The following ARHGAP10 variants were observed in gnomAD, a reference collection of about 807,000 sequenced individuals.
ARHGAP10 encodes rho GTPase-activating protein 10.
A neutral mutation model predicts 108.6 loss-of-function variants in ARHGAP10; 87 were observed. The observed-to-expected ratio is 0.80, with a 90% CI of 0.67 to 0.96. ARHGAP10 has a LOEUF of 0.96. Among genes scored for constraint, ARHGAP10 ranks in the 40% least tolerant of loss-of-function variants. The pLI, the probability that ARHGAP10 is intolerant of heterozygous loss-of-function variation, is 0.00. For synonymous variants in ARHGAP10, 347 were observed against 341.1 expected, an observed-to-expected ratio of 1.02 and a Z score of -0.19; for missense variants, 939 against 954.5, an observed-to-expected ratio of 0.98 and a Z score of 0.21.
At chr4:147,970,464 G>A (rs1739364440) in intron 18 of ARHGAP10, among the ~76,000 whole-genome samples, 1 of 152,132 alleles carries the variant, frequency 6.6e-6, no homozygotes, top group Non-Finnish European at 1.5e-5. Context: ...TTAAACTGGG[G>A]AGGAAAGGAA....
At chr4:147,829,968 T>C (rs996715413) in intron 3 of ARHGAP10, among the ~76,000 whole-genome samples, 109 of 152,276 alleles carry the variant, frequency 7.2e-4, no homozygotes, top group African/African-American at 2.5e-3. Context: ...GGAGCTTGCC[T>C]GATGGTGCAC....
At chr4:148,008,310 T>C (rs1741030167) in intron 18 of ARHGAP10, among the ~76,000 whole-genome samples, 1 of 152,138 alleles carries the variant, frequency 6.6e-6, no homozygotes, top group Non-Finnish European at 1.5e-5. Context: ...TGTCCTCTGC[T>C]GATGAAAACA....
intron 17 of ARHGAP10, 34 bp from the exon 18 acceptor site, chr4:147,966,646 G>C (rs778088828): frequency 6.6e-7 from 1 of 1,518,306 alleles, no homozygotes; most frequent in African/African-American, 1.4e-5. Flanking sequence ...TGCTCCTTTG[G>C]TTAAACAGAT....
intron 1 of ARHGAP10, among the ~76,000 whole-genome samples, chr4:147,745,643 A>C (rs917560925): frequency 2.0e-5 from 3 of 150,756 alleles, no homozygotes; most frequent in Admixed American, 6.6e-5. Flanking sequence ...AGGCGCCCAC[A>C]ACCACGCCCT....
intron 1 of ARHGAP10, among the ~76,000 whole-genome samples, chr4:147,741,862 T>C (rs1166541940): frequency 6.6e-6 from 1 of 151,880 alleles, no homozygotes; most frequent in African/African-American, 2.4e-5. Context: ...CAGGCATCTC[T>C]GTAAACTCTG....
intron 1 of ARHGAP10, among the ~76,000 whole-genome samples, chr4:147,785,194 T>C (rs1730838298): frequency 6.6e-6 from 1 of 151,480 alleles, no homozygotes; most frequent in Non-Finnish European, 1.5e-5. Flanking sequence ...TTTTTGAATG[T>C]TCAGGCATCA....
chr4:148,042,058 A>ACTGC (rs1728655761), intron 19 of ARHGAP10, among the ~76,000 whole-genome samples: 1 of 152,106 alleles, frequency 6.6e-6, no homozygotes, highest in African/African-American at 2.4e-5. Flanking sequence ...TCCCTTAGAT[A>ACTGC]CTGCCACGTG....
intron 1 of ARHGAP10, among the ~76,000 whole-genome samples, chr4:147,766,316 A>G (rs926292693): frequency 1.3e-5 from 2 of 151,896 alleles, no homozygotes; most frequent in South Asian, 2.1e-4. Flanking sequence ...TCGTATTTGC[A>G]TATAACCCAC....
chr4:148,058,656 G>A (rs984145227), intron 20 of ARHGAP10, among the ~76,000 whole-genome samples: 3 of 152,204 alleles, frequency 2.0e-5, no homozygotes, highest in African/African-American at 4.8e-5. Flanking sequence ...TGCGTGGAGC[G>A]TAGAGTCTGG....
rs768760504 is a variant in ARHGAP10 at position 148,046,978 on chromosome 4, C to A, written c.1954C>A (p.Pro652Thr). 1 of 1,614,146 alleles carries A rather than the reference C, an allele frequency of 6.2e-7. No homozygotes were observed. Among genetic ancestry groups the A allele is most frequent in the South Asian group, 1.1e-5 (1 of 91,074 alleles). The change falls in exon 20 of 23, where the codon CCT becomes ACT. Residue 652 changes from proline (P) to threonine (T), a missense_variant. Coordinates refer to ENST00000336498, the MANE Select transcript of ARHGAP10 (RefSeq NM_024605.4). ...SSPSPVTTAV[P>T]GPPGPDKNHL... The stretch of plus-strand genomic sequence containing the variant: ...CCCGTCTCCCGTGACTACAGCTGTC[C>A]CTGGGCCTCCTGGACCAGACAAAAA...
At chr4:148,000,166 A>G (rs1234986131) in intron 18 of ARHGAP10, among the ~76,000 whole-genome samples, 2 of 152,008 alleles carry the variant, frequency 1.3e-5, no homozygotes, top group African/African-American at 4.8e-5. Flanking sequence ...ATGAGTGAGA[A>G]CATGTGGTGG....
In ARHGAP10 at chr4:147,979,653, T is replaced by C. The variant is rs116721339; in HGVS notation, c.1716+12814T>C. Among the ~76,000 whole-genome samples the C allele has an allele frequency of 7.4e-3, 1,124 of 152,328 alleles. 20 individuals carry two copies. The highest frequency in any genetic ancestry group is 0.026 in the African/African-American group (1,084 of 41,582). ...ATGGAGATTTTAATGATACTGATTC[T>C]TCCAACCCATGAGCATGGAATGCTT... On this transcript the variant is annotated intron_variant, in intron 18 of 22. Coordinates refer to ENST00000336498, the MANE Select transcript of ARHGAP10 (RefSeq NM_024605.4).
intron 19 of ARHGAP10, among the ~76,000 whole-genome samples, chr4:148,024,116 C>T (rs562154060): frequency 1.3e-4 from 20 of 152,316 alleles, no homozygotes; most frequent in South Asian, 8.3e-4. Flanking sequence ...GCTGTGCACA[C>T]GCCTCCCATT....
chr4:147,740,273 G>A (rs372739582), intron 1 of ARHGAP10, among the ~76,000 whole-genome samples: 1 of 152,152 alleles, frequency 6.6e-6, no homozygotes, highest in African/African-American at 2.4e-5. Context: ...GGCCAGGCTG[G>A]TCCTGAACTC....
At position 147,841,543 on chromosome 4, in the gene ARHGAP10, T is replaced by A. The variant is rs566786862; in HGVS notation, c.313-5608T>A. 4.6e-5 allele frequency among the ~76,000 whole-genome samples: 7 copies of A among 152,302 alleles called. No individual in the cohort carries two copies. In the South Asian group the frequency reaches 1.4e-3, roughly 32 times the overall value. Reference sequence around the variant, plus strand: ...GGGGAAGAAGGATCATGTTTCACCATTAGGAAACATCAGTAACACTTACTA... The same window carrying A: ...GGGGAAGAAGGATCATGTTTCACCAATAGGAAACATCAGTAACACTTACTA... On this transcript the variant is annotated intron_variant, in intron 3 of 22. Transcript: ENST00000336498.
At chr4:147,962,514 T>C (rs945694209) in intron 16 of ARHGAP10, among the ~76,000 whole-genome samples, 3 of 152,276 alleles carry the variant, frequency 2.0e-5, no homozygotes, top group East Asian at 3.9e-4. Flanking sequence ...ACCACTCAGC[T>C]ATCAGTTAGA....
chr4:147,738,810 C>T (rs1013300066), intron 1 of ARHGAP10, among the ~76,000 whole-genome samples: 9 of 151,982 alleles, frequency 5.9e-5, no homozygotes, highest in Non-Finnish European at 1.0e-4. Context: ...TACCAGTGAC[C>T]AAGAAGAGAG....
intron 1 of ARHGAP10, among the ~76,000 whole-genome samples, chr4:147,812,253 T>C (rs945476399): frequency 2.0e-5 from 3 of 152,104 alleles, no homozygotes; most frequent in African/African-American, 7.2e-5. Context: ...AGAAAACATC[T>C]CTTTGAAAAA....
At chr4:147,740,047 CTTTT>C (rs59246980) in intron 1 of ARHGAP10, among the ~76,000 whole-genome samples, 3 of 118,886 alleles carry the variant, frequency 2.5e-5, no homozygotes, top group Admixed American at 9.3e-5. Flanking sequence ...TACTGGGTTA[CTTTT>C]TTTTTTTTTT....
Sources: allele counts gnomAD v4.1 joint callset (sites outside exome capture counted in the v4.1 genomes callset), GRCh38; gene constraint gnomAD v4.1.1; transcripts MANE v1.5; gene names NCBI Gene and HGNC (gene_info 2026-07-23, HGNC 2026-07-21).